Variants in ADAM22 observed in about 807,000 individuals in gnomAD.
The protein encoded by ADAM22 is ADAM metallopeptidase domain 22.
Under a neutral mutation model 144.6 loss-of-function variants are expected in ADAM22, and 65 were observed. The ratio of observed to expected loss-of-function variants is 0.45; its 90% CI spans 0.37 to 0.55. The LOEUF (loss-of-function observed/expected upper bound fraction) is 0.55. ADAM22 is among the 20% of genes least tolerant of loss of function. ADAM22 has a pLI of 0.00. For synonymous variants in ADAM22, 391 were observed against 412.6 expected (o/e 0.95, Z 0.63); for missense variants, 974 against 1,184.9 (o/e 0.82, Z 2.61).
intron 2 of ADAM22, among the ~76,000 whole-genome samples, chr7:87,972,306 C>A (rs1215648803): frequency 6.6e-6 from 1 of 150,738 alleles, no homozygotes; most frequent in East Asian, 1.9e-4. Flanking sequence ...AACAGAGAGC[C>A]AAATCATGAG....
intron 31 of ADAM22, among the ~76,000 whole-genome samples, chr7:88,194,595 G>A (rs1850297685): frequency 6.6e-6 from 1 of 152,134 alleles, no homozygotes. Flanking sequence ...TTTGGCAATT[G>A]CTCATTTTTT....
chr7:88,154,377 A>G (rs181874798), intron 21 of ADAM22, among the ~76,000 whole-genome samples: 3 of 152,120 alleles, frequency 2.0e-5, no homozygotes, highest in African/African-American at 7.2e-5. Flanking sequence ...CCCTACCTCC[A>G]TGCCTACATT....
At chr7:88,168,977 C>T (rs1350633429) in intron 25 of ADAM22, among the ~76,000 whole-genome samples, 2 of 152,094 alleles carry the variant, frequency 1.3e-5, no homozygotes, top group African/African-American at 4.8e-5. Flanking sequence ...TTACCCCATG[C>T]CTTTTAATGG....
intron 15 of ADAM22, among the ~76,000 whole-genome samples, chr7:88,144,708 A>T (rs1835834754): frequency 6.6e-6 from 1 of 152,212 alleles, no homozygotes; most frequent in African/African-American, 2.4e-5. Flanking sequence ...GATATTAAAT[A>T]GTTTACCCAA....
At chr7:87,990,089 G>C (rs959486918) in intron 3 of ADAM22, among the ~76,000 whole-genome samples, 1 of 151,940 alleles carries the variant, frequency 6.6e-6, no homozygotes, top group Non-Finnish European at 1.5e-5. Context: ...CATCCATCAA[G>C]TGTATATAGA....
chr7:88,136,350 C>T (rs1483099868), intron 14 of ADAM22, among the ~76,000 whole-genome samples: 1 of 151,838 alleles, frequency 6.6e-6, no homozygotes. Context: ...CAGTAGTGTG[C>T]TGGTAAGTTA....
At chr7:88,146,108 A>G (rs1265655607) in intron 17 of ADAM22, among the ~76,000 whole-genome samples, 1 of 152,152 alleles carries the variant, frequency 6.6e-6, no homozygotes, top group Admixed American at 6.6e-5. Flanking sequence ...ATCAATACTA[A>G]CATTTGAGGC....
intron 30 of ADAM22, among the ~76,000 whole-genome samples, chr7:88,191,809 G>A (rs553707653): frequency 6.6e-6 from 1 of 152,248 alleles, no homozygotes; most frequent in South Asian, 2.1e-4. Flanking sequence ...TTCAAAAATA[G>A]GAGTTACAGA....
At chr7:88,047,960 A>G (rs1805122575) in intron 3 of ADAM22, among the ~76,000 whole-genome samples, 1 of 152,142 alleles carries the variant, frequency 6.6e-6, no homozygotes, top group African/African-American at 2.4e-5. Context: ...AAAATTAGCA[A>G]TAAAAAAGAA....
intron 4 of ADAM22, among the ~76,000 whole-genome samples, chr7:88,098,361 C>T (rs1391212400): frequency 6.6e-6 from 1 of 151,884 alleles, no homozygotes; most frequent in East Asian, 1.9e-4. Flanking sequence ...AAGGAAAATC[C>T]CTGGATTGTG....
intron 3 of ADAM22, among the ~76,000 whole-genome samples, chr7:88,035,728 C>A (rs1248733599): frequency 6.6e-6 from 1 of 152,162 alleles, no homozygotes; most frequent in Non-Finnish European, 1.5e-5. Context: ...AGGCTGTATG[C>A]AAATACCACA....
rs756340376 is a variant in ADAM22, at chr7:88,163,105, G to A, written c.2001G>A (p.Arg667=). ...CCCAAATGATGTGCTTAGAACACAG[G>A]TGTCTTCCTGTGGCTTCTTTCAACT... ...CGPQMMCLEH[R]CLPVASFNFS... Residue 667 remains arginine, a synonymous_variant, in exon 23 of 32, where the codon AGG becomes AGA. Transcript: ENST00000413139. The A allele has an allele frequency of 3.0e-5, 48 of 1,612,236 alleles. No individual in the cohort carries two copies. Among genetic ancestry groups the A allele is most frequent in the East Asian group, 4.5e-5 (2 of 44,802 alleles).
intron 3 of ADAM22, among the ~76,000 whole-genome samples, chr7:88,001,811 CA>C (rs1374924228): frequency 6.6e-6 from 1 of 151,576 alleles, no homozygotes; most frequent in Non-Finnish European, 1.5e-5. Context: ...GTGAGACAAG[CA>C]GGAGCAAGCA....
At chr7:88,141,247 G>C (rs879841304) in intron 14 of ADAM22, among the ~76,000 whole-genome samples, 4 of 152,132 alleles carry the variant, frequency 2.6e-5, no homozygotes, top group Non-Finnish European at 5.9e-5. Context: ...CAGGCTGATT[G>C]CTCAAGTTGA....
At chr7:87,972,123 G>C (rs1850611121) in intron 2 of ADAM22, among the ~76,000 whole-genome samples, 1 of 152,034 alleles carries the variant, frequency 6.6e-6, no homozygotes, top group African/African-American at 2.4e-5. Flanking sequence ...TATTCAATTA[G>C]GAAAAGAGGA....
Position 88,051,703 on chromosome 7 carries a change from T to C in ADAM22, c.324-23923T>C, listed in dbSNP as rs145249876. 4.2e-3 allele frequency among the ~76,000 whole-genome samples: 635 copies of C among 151,322 alleles called. 7 individuals carry two copies. Among genetic ancestry groups the C allele is most frequent in the African/African-American group, 0.015 (608 of 41,314 alleles). On this transcript the variant is annotated intron_variant, in intron 3 of 31. Coordinates refer to ENST00000413139, the MANE Select transcript of ADAM22 (RefSeq NM_001324418.2). ...TTTCCCAGAACTTAAAGTATAATAA[T>C]AAATAAAAAAAAAAAGAATGTGGTT...
At chr7:88,169,501 T>G (rs1311615051) in intron 25 of ADAM22, among the ~76,000 whole-genome samples, 1 of 152,050 alleles carries the variant, frequency 6.6e-6, no homozygotes, top group Non-Finnish European at 1.5e-5. Context: ...ATAAACTCTT[T>G]CATAATTTTG....
intron 4 of ADAM22, among the ~76,000 whole-genome samples, chr7:88,086,301 T>C (rs1232603530): frequency 6.6e-6 from 1 of 152,254 alleles, no homozygotes; most frequent in African/African-American, 2.4e-5. Context: ...GATTTTGATG[T>C]TGATTGCAAT....
intron 3 of ADAM22, among the ~76,000 whole-genome samples, chr7:87,989,521 A>G (rs574744921): frequency 6.6e-6 from 1 of 152,288 alleles, no homozygotes; most frequent in East Asian, 1.9e-4. Flanking sequence ...CCTGTATAGT[A>G]TTCATACTCA....
Sources: gnomAD v4.1 joint callset for allele counts (sites outside exome capture counted in the v4.1 genomes callset) on GRCh38, gnomAD v4.1.1 for gene constraint, MANE v1.5 for transcripts, NCBI Gene and HGNC (gene_info 2026-07-23, HGNC 2026-07-21) for gene names.